SLC37A1: variants seen among roughly 807,000 people sequenced by gnomAD.
SLC37A1 encodes the protein glucose-6-phosphate exchanger SLC37A1.
In SLC37A1, 49 loss-of-function variants were observed where a neutral mutation model predicts 75.3. That is an observed-to-expected ratio of 0.65 (90% CI 0.52 to 0.83). The LOEUF (loss-of-function observed/expected upper bound fraction) is 0.83, where lower values mean the gene tolerates loss of function less well. Ranked by LOEUF, SLC37A1 falls within the 40% of genes least tolerant of loss-of-function variation. SLC37A1 has a pLI of 0.00. For synonymous variants in SLC37A1, 268 were observed against 292.1 expected, an observed-to-expected ratio of 0.92 and a Z score of 0.84; for missense variants, 566 against 695.0, an observed-to-expected ratio of 0.81 and a Z score of 2.09.
chr21:42,574,960 T>A (rs555575220), intron 18 of SLC37A1, 45 bp downstream of exon 18: 2 of 1,610,894 alleles, frequency 1.2e-6, no homozygotes, highest in African/African-American at 1.3e-5. Context: ...AATGCAGATC[T>A]CTGTGGTTGT....
chr21:42,570,782 G>A (rs1382824945), intron 17 of SLC37A1, among the ~76,000 whole-genome samples: 1 of 152,230 alleles, frequency 6.6e-6, no homozygotes, highest in African/African-American at 2.4e-5. Context: ...AGAAGTCTGT[G>A]GCTAAGGGTG....
intron 13 of SLC37A1, 139 bp downstream of exon 13, chr21:42,564,016 C>T (rs7282730): frequency 0.56 from 494,166 of 883,594 alleles, 144,251 homozygotes; most frequent in Admixed American, 0.71. Context: ...AGGGTCAGGC[C>T]GTCACCTGGG....
chr21:42,538,893 G>C (rs143787051), intron 5 of SLC37A1, among the ~76,000 whole-genome samples: 1 of 152,330 alleles, frequency 6.6e-6, no homozygotes, highest in East Asian at 1.9e-4. Flanking sequence ...TCGCATTGCT[G>C]TTCAGAAGGA....
At chr21:42,532,673 G>A (rs191335455) in intron 3 of SLC37A1, among the ~76,000 whole-genome samples, 8 of 152,246 alleles carry the variant, frequency 5.3e-5, no homozygotes, top group Admixed American at 2.6e-4. Context: ...TGGGTCTCAC[G>A]ATCACACTCC....
intron 5 of SLC37A1, among the ~76,000 whole-genome samples, chr21:42,537,247 C>T (rs541188378): frequency 3.3e-5 from 5 of 152,312 alleles, no homozygotes; most frequent in African/African-American, 1.2e-4. Flanking sequence ...GATTTGGAAT[C>T]CCAGAGTGTG....
intron 18 of SLC37A1, among the ~76,000 whole-genome samples, chr21:42,578,644 C>T (rs747535333): frequency 2.6e-5 from 4 of 152,164 alleles, no homozygotes; most frequent in Admixed American, 1.3e-4. Context: ...TCGTACCTGC[C>T]GTGTTCCCAC....
chr21:42,503,659 G>C (rs2054360700), intron 2 of SLC37A1, among the ~76,000 whole-genome samples: 1 of 152,080 alleles, frequency 6.6e-6, no homozygotes, highest in Non-Finnish European at 1.5e-5. Context: ...TACTGTTGCT[G>C]TCCTCCTCTC....
intron 16 of SLC37A1, among the ~76,000 whole-genome samples, chr21:42,567,394 C>T (rs368102088): frequency 9.2e-5 from 14 of 152,328 alleles, no homozygotes; most frequent in African/African-American, 3.4e-4. Context: ...CGAAGAGGCG[C>T]TGGGGGATTC....
chr21:42,559,056 C>A lies in SLC37A1; in HGVS notation c.948C>A (p.Ala316=), dbSNP rs779051326. 1 of 1,613,118 alleles carries A rather than the reference C, an allele frequency of 6.2e-7. No homozygotes were observed. Among genetic ancestry groups the A allele is most frequent in the Non-Finnish European group, 8.5e-7 (1 of 1,179,684 alleles). ...ILPGDGGSGT[A]AISFTGALKI... ...CCGGGGACGGTGGGAGTGGCACGGC[C>A]GCCATCAGCTTCACAGGGGCCTTGA... The change falls in exon 11 of 20, where the codon GCC becomes GCA. Residue 316 remains alanine (A), a synonymous_variant. Transcript: ENST00000352133.
intron 4 of SLC37A1, among the ~76,000 whole-genome samples, chr21:42,535,052 AAG>A (rs2055099638): frequency 6.6e-6 from 1 of 152,226 alleles, no homozygotes; most frequent in Non-Finnish European, 1.5e-5. Context: ...AAATGTGCTG[AAG>A]ATCATTTGCA....
chr21:42,523,487 G>C (rs2054703490), intron 2 of SLC37A1, among the ~76,000 whole-genome samples: 1 of 152,238 alleles, frequency 6.6e-6, no homozygotes, highest in Non-Finnish European at 1.5e-5. Context: ...GAGAAGCAGT[G>C]GTGGCCTAAC....
chr21:42,511,375 G>A (rs113002193), upstream of SLC37A1, among the ~76,000 whole-genome samples: 1,332 of 152,178 alleles, frequency 8.8e-3, 14 homozygotes, highest in African/African-American at 0.014. Context: ...GTGGTGTATA[G>A]CTGTATCTAC....
Position 42,513,968 on chromosome 21 carries a change from C to A in SLC37A1, c.-928C>A, listed in dbSNP as rs979386546. 2 of 146,012 alleles carry A rather than the reference C, an allele frequency of 1.4e-5. No homozygotes were observed. Among genetic ancestry groups the A allele is most frequent in the African/African-American group, 2.5e-5 (1 of 40,680 alleles). The allele number at this position is 146,012 out of a possible 1,614,324, so 9.0% of individuals were successfully genotyped here. ...GCCGGACCGGGAGGCGGGGACCCCC[C>A]GCCCCCCCGCCCGCACCTGCGGGGC... On this transcript the variant is annotated 5_prime_UTR_variant, in exon 1 of 20. Coordinates refer to ENST00000352133, the MANE Select transcript of SLC37A1 (RefSeq NM_001320537.2).
rs1257638789 is a variant in SLC37A1, at chr21:42,579,640, C to T, written c.1522-96C>T. ...GGTGCTGTGGGGAGAGAGCCACCCG[C>T]CCAGGCCTTGCGGGCCAGGTCCTCA... On this transcript the variant is annotated intron_variant, in intron 18 of 19. Transcript: ENST00000352133. 2.3e-5 allele frequency: 32 copies of T among 1,370,114 alleles called. No homozygotes were observed. In the Admixed American group the frequency reaches 5.8e-4, roughly 25 times the overall value. The allele number at this position is 1,370,114 out of a possible 1,614,324, so 84.9% of individuals were successfully genotyped here. A position where few individuals can be genotyped will look rare whatever the true frequency, so the allele number is the denominator to read the frequency against.
intron 8 of SLC37A1, among the ~76,000 whole-genome samples, chr21:42,546,729 C>T (rs1016767838): frequency 2.0e-5 from 3 of 152,216 alleles, no homozygotes; most frequent in South Asian, 2.1e-4. Context: ...CCCTTGCCCT[C>T]ACCTGGCATG....
intron 2 of SLC37A1, among the ~76,000 whole-genome samples, chr21:42,525,398 G>A (rs1484219119): frequency 2.6e-5 from 4 of 152,240 alleles, no homozygotes; most frequent in African/African-American, 9.6e-5. Context: ...GGGGGCTGAT[G>A]CTGACTCCTG....
chr21:42,564,567 A>C, intron 13 of SLC37A1, 141 bp from the exon 14 acceptor site: 4 of 662,920 alleles, frequency 6.0e-6, no homozygotes, highest in Non-Finnish European at 1.1e-5. Flanking sequence ...CAGGGCTGTG[A>C]GAAGGCTGCC....
chr21:42,561,009 TA>T (rs1294562544), intron 11 of SLC37A1, among the ~76,000 whole-genome samples: 1 of 152,124 alleles, frequency 6.6e-6, no homozygotes, highest in Non-Finnish European at 1.5e-5. Flanking sequence ...ATCCCTGGGG[TA>T]ATACCATATG....
intron 17 of SLC37A1, 88 bp from the exon 18 acceptor site, chr21:42,574,730 G>A: frequency 1.6e-6 from 2 of 1,227,790 alleles, no homozygotes; most frequent in Non-Finnish European, 2.3e-6. Flanking sequence ...TTGTGAGTGA[G>A]GTGTTGAGCC....
Sources: gnomAD v4.1 joint callset for allele counts (sites outside exome capture counted in the v4.1 genomes callset) on GRCh38, gnomAD v4.1.1 for gene constraint, MANE v1.5 for transcripts, NCBI Gene and HGNC (gene_info 2026-07-23, HGNC 2026-07-21) for gene names.